GMDS: variants seen among roughly 807,000 people sequenced by gnomAD.
The protein encoded by GMDS is GDP-mannose 4,6-dehydratase, also known as GDP-mannose 4,6 dehydratase.
Under a neutral mutation model 49.9 loss-of-function variants are expected in GMDS, and 20 were observed. That is an observed-to-expected ratio of 0.40 (90% CI 0.28 to 0.58). The LOEUF (loss-of-function observed/expected upper bound fraction) is 0.58. Among genes scored for constraint, GMDS ranks in the 20% least tolerant of loss-of-function variants. The probability of loss-of-function intolerance (pLI) is 0.42; values close to 1 mark genes in which losing one functional copy is unlikely to be tolerated. For missense variants in GMDS, 362 were observed against 481.4 expected, an observed-to-expected ratio of 0.75 and a Z score of 2.32; for synonymous variants, 177 against 178.6, an observed-to-expected ratio of 0.99 and a Z score of 0.07.
At chr6:2,149,456 G>A (rs1166498011) in intron 1 of GMDS, among the ~76,000 whole-genome samples, 1 of 152,096 alleles carries the variant, frequency 6.6e-6, no homozygotes, top group Non-Finnish European at 1.5e-5. Context: ...CAATAAACAC[G>A]CACATAAGGA....
At chr6:1,717,485 T>A (rs1005987043) in intron 9 of GMDS, 5 of 152,170 alleles carry the variant, frequency 3.3e-5, no homozygotes, top group Non-Finnish European at 5.9e-5. Context: ...TCTCAGCGCC[T>A]GTCACACTCC....
intron 4 of GMDS, among the ~76,000 whole-genome samples, chr6:2,092,040 T>G (rs1255386380): frequency 6.6e-6 from 1 of 151,996 alleles, no homozygotes; most frequent in African/African-American, 2.4e-5. Flanking sequence ...TTTCTAAATA[T>G]TAAAAATAGA....
chr6:1,978,038 C>A (rs989461295), intron 4 of GMDS, among the ~76,000 whole-genome samples: 1 of 152,184 alleles, frequency 6.6e-6, no homozygotes, highest in Admixed American at 6.5e-5. Context: ...CTTGGAATTC[C>A]AGCTGGCCAC....
intron 9 of GMDS, among the ~76,000 whole-genome samples, chr6:1,674,737 A>G (rs1017933608): frequency 7.0e-6 from 1 of 142,334 alleles, no homozygotes; most frequent in Non-Finnish European, 1.5e-5. Flanking sequence ...TTTAATAGAG[A>G]TGGATTTTTA....
chr6:1,988,819 T>C lies in GMDS; in HGVS notation c.346-27853A>G, dbSNP rs144587146. The stretch of plus-strand genomic sequence containing the variant: ...ATGTTTGTTAGCTAGCTTTGAGAGA[T>C]GAATAGGATATAGATAAATGGTTTG... On this transcript the variant is annotated intron_variant, in intron 4 of 10. Coordinates refer to ENST00000380815, the MANE Select transcript of GMDS (RefSeq NM_001500.4). Among the ~76,000 whole-genome samples, 934 of 151,040 alleles carry C rather than the reference T, an allele frequency of 6.2e-3. 9 individuals carry two copies. Among genetic ancestry groups the C allele is most frequent in the South Asian group, 0.014 (65 of 4,784 alleles).
chr6:1,822,212 T>C (rs1770930853), intron 7 of GMDS, among the ~76,000 whole-genome samples: 1 of 152,194 alleles, frequency 6.6e-6, no homozygotes, highest in Non-Finnish European at 1.5e-5. Context: ...CAACTCACAT[T>C]TTCCCATTTA....
At chr6:1,839,624 C>A (rs1757069752) in intron 7 of GMDS, among the ~76,000 whole-genome samples, 1 of 152,200 alleles carries the variant, frequency 6.6e-6, no homozygotes, top group Non-Finnish European at 1.5e-5. Flanking sequence ...TCATTCTGAC[C>A]ACTCTAGTCT....
chr6:1,824,407 G>A (rs183227701), intron 7 of GMDS, among the ~76,000 whole-genome samples: 7 of 152,048 alleles, frequency 4.6e-5, no homozygotes, highest in Non-Finnish European at 7.4e-5. Flanking sequence ...CAACTATACC[G>A]CCGCGCCCCG....
intron 4 of GMDS, among the ~76,000 whole-genome samples, chr6:2,000,543 GCTAC>G (rs1346383200): frequency 7.2e-5 from 11 of 152,080 alleles, no homozygotes; most frequent in African/African-American, 2.7e-4. Context: ...TCTTTTGTAA[GCTAC>G]CTCTTTCGAT....
rs1318783787 is a variant in GMDS, at chr6:2,245,375, G to A, written c.48C>T (p.Asp16=). 1 of 1,550,286 alleles carries A rather than the reference G, an allele frequency of 6.5e-7. No homozygotes were observed. The highest frequency in any genetic ancestry group is 1.9e-5 in the Admixed American group (1 of 53,068). The part of the protein sequence containing the change: ...ARCPSARGSG[D]GEMGKPRNVA... ...CGTTCCTGGGCTTGCCCATCTCGCC[G>A]TCCCCGGAGCCCCGGGCGCTGGGGC... The change falls in exon 1 of 11, where the codon GAC becomes GAT. Residue 16 remains aspartate (D), a synonymous_variant. Transcript: ENST00000380815.
At chr6:2,197,940 T>A (rs911196519) in intron 1 of GMDS, among the ~76,000 whole-genome samples, 4 of 152,190 alleles carry the variant, frequency 2.6e-5, no homozygotes, top group African/African-American at 9.7e-5. Flanking sequence ...ATGCGTGCAT[T>A]AGAGTCAGAA....
chr6:1,631,348 A>T (rs1340897539), intron 9 of GMDS, among the ~76,000 whole-genome samples: 4 of 152,188 alleles, frequency 2.6e-5, no homozygotes, highest in African/African-American at 9.7e-5. Flanking sequence ...AGTACTTGTC[A>T]TCTGGCTTAT....
chr6:1,697,460 G>A (rs1028592179), intron 9 of GMDS, among the ~76,000 whole-genome samples: 1 of 152,216 alleles, frequency 6.6e-6, no homozygotes, highest in African/African-American at 2.4e-5. Context: ...ATAGAGTCTA[G>A]GCTGGTAACA....
chr6:1,636,953 C>T (rs1409281304), intron 9 of GMDS, among the ~76,000 whole-genome samples: 2 of 152,188 alleles, frequency 1.3e-5, no homozygotes, highest in Non-Finnish European at 2.9e-5. Context: ...CTCTAACGGC[C>T]CCTCTCCAAG....
chr6:1,917,539 G>A (rs561463119), intron 7 of GMDS, among the ~76,000 whole-genome samples: 97 of 152,314 alleles, frequency 6.4e-4, no homozygotes, highest in Non-Finnish European at 9.8e-4. Flanking sequence ...AAGTTCTAGT[G>A]ATAGATCTTT....
intron 7 of GMDS, among the ~76,000 whole-genome samples, chr6:1,924,967 A>T (rs35583927): frequency 0.41 from 62,108 of 150,734 alleles, 13,258 homozygotes; most frequent in Non-Finnish European, 0.48. Context: ...AAAAAAAAAA[A>T]GTTTGAACTG....
intron 6 of GMDS, among the ~76,000 whole-genome samples, chr6:1,954,088 A>G (rs1763503708): frequency 6.6e-6 from 1 of 152,204 alleles, no homozygotes; most frequent in Admixed American, 6.5e-5. Flanking sequence ...ATTTGTGGCA[A>G]AAAGAATACT....
At chr6:2,197,501 C>G (rs6935873) in intron 1 of GMDS, among the ~76,000 whole-genome samples, 1 of 152,196 alleles carries the variant, frequency 6.6e-6, no homozygotes. Context: ...AACCTGACCA[C>G]GTCAAGGGCC....
chr6:1,941,096 T>G (rs1044272828), intron 6 of GMDS, among the ~76,000 whole-genome samples: 6 of 152,036 alleles, frequency 3.9e-5, no homozygotes, highest in African/African-American at 1.5e-4. Flanking sequence ...AGCTTTTAAG[T>G]ACCTCTATTC....
Sources: allele counts gnomAD v4.1 joint callset (sites outside exome capture counted in the v4.1 genomes callset), GRCh38; gene constraint gnomAD v4.1.1; transcripts MANE v1.5; gene names NCBI Gene and HGNC (gene_info 2026-07-23, HGNC 2026-07-21).